The following EIF3B variants were observed in gnomAD, a reference collection of about 807,000 sequenced individuals.
The protein encoded by EIF3B is eukaryotic translation initiation factor 3 subunit B.
EIF3B carries 10 observed loss-of-function variants against 104.6 expected under a neutral mutation model. That is an observed-to-expected ratio of 0.10 (90% confidence interval 0.06 to 0.16). The LOEUF (loss-of-function observed/expected upper bound fraction) is 0.16, where lower values mean the gene tolerates loss of function less well. EIF3B is among the 10% of genes least tolerant of loss of function. The pLI is 1.00. For missense variants in EIF3B, 1,014 were observed against 1,087.9 expected (o/e 0.93, Z 0.96); for synonymous variants, 542 against 417.2 (o/e 1.30, Z -3.65).
chr7:2,364,858 C>T (rs1024077320), intron 6 of EIF3B, among the ~76,000 whole-genome samples: 1 of 152,182 alleles, frequency 6.6e-6, no homozygotes, highest in Non-Finnish European at 1.5e-5. Context: ...TTTAATACTT[C>T]AATGTATTGC....
intron 13 of EIF3B, chr7:2,374,825 T>G: frequency 2.2e-6 from 1 of 448,992 alleles, no homozygotes. Context: ...CGCTCCCAGA[T>G]GCTTTCGTGA....
chr7:2,372,529 T>A (rs1780409024), intron 11 of EIF3B, 144 bp from the exon 12 acceptor site: 1 of 981,048 alleles, frequency 1.0e-6, no homozygotes, highest in Non-Finnish European at 1.5e-6. Flanking sequence ...CCTTTCCTGC[T>A]GTTGCTTGCT....
intron 9 of EIF3B, 143 bp from the exon 10 acceptor site, chr7:2,369,329 G>A: frequency 1.2e-6 from 1 of 850,724 alleles, no homozygotes; most frequent in South Asian, 1.6e-5. Flanking sequence ...GCCCAGAGCA[G>A]TGGCTGTGCA....
chr7:2,368,440 G>A (rs1780148812), intron 9 of EIF3B, among the ~76,000 whole-genome samples: 1 of 152,178 alleles, frequency 6.6e-6, no homozygotes, highest in South Asian at 2.1e-4. Flanking sequence ...GTGAGCCACC[G>A]CGCCCGGCCT....
chr7:2,374,426 G>A, intron 12 of EIF3B, 102 bp from the exon 13 acceptor site: 1 of 1,084,756 alleles, frequency 9.2e-7, no homozygotes, highest in Non-Finnish European at 1.4e-6. Flanking sequence ...TACCAGCTCT[G>A]CCCTCATGGG....
At chr7:2,356,098 C>T (rs748145667) in intron 1 of EIF3B, among the ~76,000 whole-genome samples, 3 of 152,164 alleles carry the variant, frequency 2.0e-5, no homozygotes, top group African/African-American at 4.8e-5. Context: ...AGATTTTTTC[C>T]TGAAGCTACT....
intron 12 of EIF3B, 112 bp downstream of exon 12, chr7:2,372,907 G>A: frequency 4.0e-6 from 5 of 1,255,624 alleles, no homozygotes; most frequent in South Asian, 1.9e-5. Flanking sequence ...GGCAGGCCGG[G>A]ACTCGCCTAT....
intron 6 of EIF3B, among the ~76,000 whole-genome samples, chr7:2,365,230 G>A (rs747997539): frequency 6.6e-5 from 10 of 152,350 alleles, no homozygotes; most frequent in Middle Eastern, 6.8e-3. Context: ...GATTACAGGC[G>A]TGAGCCACCG....
chr7:2,365,028 T>C (rs1779930273), intron 6 of EIF3B, among the ~76,000 whole-genome samples: 1 of 152,228 alleles, frequency 6.6e-6, no homozygotes, highest in African/African-American at 2.4e-5. Flanking sequence ...TGCAGGCTCA[T>C]TGCAACCCCA....
Position 2,363,052 on chromosome 7 carries a change from G to C in EIF3B, c.813-18G>C. On this transcript the variant is annotated intron_variant, in intron 3 of 18. Coordinates refer to ENST00000360876, the MANE Select transcript of EIF3B (RefSeq NM_001037283.2). ...AGTCGTCAGGGCGTGGGGCTCAGCA[G>C]TCTCCTTTCTTCTCCAGGTATATGA... The C allele has an allele frequency of 6.2e-7, 1 of 1,613,934 alleles. No individual in the cohort carries two copies. The highest frequency in any genetic ancestry group is 8.5e-7 in the Non-Finnish European group (1 of 1,179,934).
At chr7:2,371,145 G>A (rs928187649) in intron 10 of EIF3B, among the ~76,000 whole-genome samples, 1 of 152,222 alleles carries the variant, frequency 6.6e-6, no homozygotes, top group African/African-American at 2.4e-5. Context: ...CCAGCTCCTG[G>A]CATCACGAAT....
At chr7:2,361,749 ATAC>A (rs1779741330) in intron 2 of EIF3B, among the ~76,000 whole-genome samples, 1 of 151,346 alleles carries the variant, frequency 6.6e-6, no homozygotes, top group African/African-American at 2.4e-5. Flanking sequence ...CTTGCCTGTA[ATAC>A]ACAATATTAG....
In EIF3B at chr7:2,371,326, A is replaced by G. The variant is rs192487544; in HGVS notation, c.1615-451A>G. Among the ~76,000 whole-genome samples, 435 of 152,212 alleles carry G rather than the reference A, an allele frequency of 2.9e-3. 4 individuals are homozygous for G. The highest frequency in any genetic ancestry group is 0.01 in the African/African-American group (424 of 41,532). On this transcript the variant is annotated intron_variant, in intron 10 of 18. Transcript: ENST00000360876. ...GTTTCTTGGCCTCCTTCCTCTGTTG[A>G]TGGACATCAGGGCAGTTTTCCCTCA...
chr7:2,374,429 C>T, intron 12 of EIF3B, 99 bp from the exon 13 acceptor site: 4 of 1,180,710 alleles, frequency 3.4e-6, no homozygotes, highest in Non-Finnish European at 3.7e-6. Flanking sequence ...CAGCTCTGCC[C>T]TCATGGGCAG....
At chr7:2,355,793 G>T (rs1444230210) in intron 1 of EIF3B, among the ~76,000 whole-genome samples, 1 of 152,080 alleles carries the variant, frequency 6.6e-6, no homozygotes, top group African/African-American at 2.4e-5. Flanking sequence ...GCAGGTTTGC[G>T]GGTCTACGTG....
In EIF3B at chr7:2,380,259, C is replaced by T. The variant is rs750336431; in HGVS notation, c.*70C>T. The T allele has an allele frequency of 2.1e-6, 1 of 486,518 alleles. No homozygotes were observed. The highest frequency in any genetic ancestry group is 4.1e-6 in the Non-Finnish European group (1 of 243,964). 30.1% of individuals were successfully genotyped at this position (486,518 alleles called of 1,614,324 possible). A position where few individuals can be genotyped will look rare whatever the true frequency, so the allele number is the denominator to read the frequency against. ...GAGCTACAGGACTCCCGAGTGTGAGCCGCGGTTCCTCTGTTGCAGCGCAGC... is the reference window on the plus strand; with the variant it reads ...GAGCTACAGGACTCCCGAGTGTGAGTCGCGGTTCCTCTGTTGCAGCGCAGC... On this transcript the variant is annotated 3_prime_UTR_variant, in exon 19 of 19. Coordinates refer to ENST00000360876, the MANE Select transcript of EIF3B (RefSeq NM_001037283.2).
At position 2,380,329 on chromosome 7, in the gene EIF3B, A is replaced by C; in HGVS notation, c.*140A>C. ...AGGCCGTCCTGCAGGAAGCCGCGTG[A>C]CTCCCGCCTCCTCCCTGTGCTCTCT... On this transcript the variant is annotated 3_prime_UTR_variant, in exon 19 of 19. Transcript: ENST00000360876. 1.9e-6 allele frequency: 1 copy of C among 517,336 alleles called. No individual in the cohort carries two copies. Among genetic ancestry groups the C allele is most frequent in the Middle Eastern group, 3.2e-4 (1 of 3,136 alleles). 32.0% of individuals were successfully genotyped at this position (517,336 alleles called of 1,614,324 possible).
At chr7:2,371,423 C>G (rs1366801493) in intron 10 of EIF3B, among the ~76,000 whole-genome samples, 3 of 152,212 alleles carry the variant, frequency 2.0e-5, no homozygotes, top group Admixed American at 1.3e-4. Context: ...AGTGGTTTAC[C>G]CAGCCCCATT....
intron 10 of EIF3B, among the ~76,000 whole-genome samples, chr7:2,369,977 A>G (rs1325405526): frequency 6.6e-6 from 1 of 151,682 alleles, no homozygotes; most frequent in African/African-American, 2.4e-5. Flanking sequence ...GGGTTTCACC[A>G]TGTTGGCCAG....
Sources: gnomAD v4.1 joint callset for allele counts (sites outside exome capture counted in the v4.1 genomes callset) on GRCh38, gnomAD v4.1.1 for gene constraint, MANE v1.5 for transcripts, NCBI Gene and HGNC (gene_info 2026-07-23, HGNC 2026-07-21) for gene names.